Variants in PPARA observed in about 807,000 individuals in gnomAD.
The protein encoded by PPARA is peroxisome proliferator activated receptor alpha.
A neutral mutation model predicts 42.2 loss-of-function variants in PPARA; 22 were observed. The ratio of observed to expected loss-of-function variants is 0.52; its 90% CI spans 0.37 to 0.74. The LOEUF (loss-of-function observed/expected upper bound fraction) is 0.74. PPARA is among the 30% of genes least tolerant of loss of function. PPARA has a pLI of 0.00. For missense variants in PPARA, 465 were observed against 608.2 expected, an observed-to-expected ratio of 0.76 and a Z score of 2.48; for synonymous variants, 242 against 239.3, an observed-to-expected ratio of 1.01 and a Z score of -0.10.
At chr22:46,178,342 C>G (rs970924126) in intron 3 of PPARA, among the ~76,000 whole-genome samples, 1 of 152,170 alleles carries the variant, frequency 6.6e-6, no homozygotes, top group Non-Finnish European at 1.5e-5. Flanking sequence ...ACCTTCTCAT[C>G]TGAGATAACA....
rs1934507271 is a variant in PPARA at position 46,216,504 on chromosome 22, G to A, written c.369+1171G>A. ...GCCTCCCTGAAGGCCAGGTGGGGCA[G>A]GTGTTCTCATGCTCCTGCCAGGGAA... On this transcript the variant is annotated intron_variant, in intron 5 of 8. Transcript: ENST00000407236. This position sits in a 1 kb window ranked among gnomAD's most constrained non-coding sequence, Gnocchi z 4.5. 6.6e-6 allele frequency among the ~76,000 whole-genome samples: 1 copy of A among 152,212 alleles called. No individual in the cohort carries two copies. The highest frequency in any genetic ancestry group is 1.5e-5 in the Non-Finnish European group (1 of 68,040).
intron 2 of PPARA, among the ~76,000 whole-genome samples, chr22:46,157,801 A>G (rs1925547040): frequency 1.3e-5 from 2 of 152,324 alleles, no homozygotes; most frequent in Non-Finnish European, 1.5e-5. Context: ...GAGAAAACTC[A>G]GATGAAATAT....
intron 4 of PPARA, among the ~76,000 whole-genome samples, chr22:46,210,618 A>T (rs908189637): frequency 1.5e-4 from 23 of 151,722 alleles, no homozygotes; most frequent in African/African-American, 5.6e-4. Flanking sequence ...AATTTTTTGT[A>T]TTTTTAGCAG....
chr22:46,242,084 T>TC lies in PPARA; in HGVS notation c.*6705dup, dbSNP rs1936386892. 6.6e-6 allele frequency: 1 copy of TC among 152,154 alleles called. No individual in the cohort carries two copies. The highest frequency in any genetic ancestry group is 1.5e-5 in the Non-Finnish European group (1 of 68,032). 9.4% of individuals were successfully genotyped at this position (152,154 alleles called of 1,614,324 possible). A position where few individuals can be genotyped will look rare whatever the true frequency, so the allele number is the denominator to read the frequency against. On this transcript the variant is annotated 3_prime_UTR_variant, in exon 9 of 9. Coordinates refer to ENST00000407236, the MANE Select transcript of PPARA (RefSeq NM_005036.6). The surrounding 1 kb of genome is among the most constrained non-coding windows in gnomAD (Gnocchi z 6.1). Reference sequence around the variant, plus strand: ...TACCTGCCACCTCTTCTCTTGCCCCTCTTCTGCCCACACATCCAGCATCCA... The same window carrying TC: ...TACCTGCCACCTCTTCTCTTGCCCCTCCTTCTGCCCACACATCCAGCATCCA...
At chr22:46,202,905 A>T (rs979964814) in intron 4 of PPARA, among the ~76,000 whole-genome samples, 1 of 151,912 alleles carries the variant, frequency 6.6e-6, no homozygotes, top group Non-Finnish European at 1.5e-5. Context: ...AGGGCAGGAG[A>T]AAAAGGGTTC....
rs779061292 is a variant in PPARA at position 46,198,487 on chromosome 22, A to C, written c.104A>C (p.Gln35Pro). The change falls in exon 4 of 9, where the codon CAA (glutamine) becomes CCA (proline). Residue 35 changes from glutamine to proline, a missense_variant. Physicochemically the swap from Gln to Pro is moderately conservative, Grantham distance 76. Around this residue, in one of 2 missense-constraint regions of PPARA, gnomAD observed 152 missense variants for 139.1 expected, o/e 1.09. Transcript: ENST00000407236. ...TTCCTGCAAGAAATGGGAAACATCC[A>C]AGAGATTTCGCAATCCATCGGCGAG... ...EEFLQEMGNI[Q>P]EISQSIGEDS... The C allele has an allele frequency of 6.2e-7, 1 of 1,613,944 alleles. No homozygotes were observed. Among genetic ancestry groups the C allele is most frequent in the Non-Finnish European group, 8.5e-7 (1 of 1,179,984 alleles).
In PPARA at chr22:46,237,123, A is replaced by G. The variant is rs1167283084; in HGVS notation, c.*1743A>G. On this transcript the variant is annotated 3_prime_UTR_variant, in exon 9 of 9. Transcript: ENST00000407236. The surrounding 1 kb of genome is among the most constrained non-coding windows in gnomAD (Gnocchi z 6.7). ...TCGATGCCTCTCCCCCATCTTTAGA[A>G]AATTTGGCTCTTCTGAGGTCATTAT... The G allele has an allele frequency of 2.0e-5, 3 of 152,168 alleles. No homozygotes were observed. The highest frequency in any genetic ancestry group is 7.2e-5 in the African/African-American group (3 of 41,446). 9.4% of individuals were successfully genotyped at this position (152,168 alleles called of 1,614,324 possible).
chr22:46,235,117 C>T lies in PPARA; in HGVS notation c.1160-16C>T, dbSNP rs754363535. 2 of 1,613,948 alleles carry T rather than the reference C, an allele frequency of 1.2e-6. No homozygotes were observed. The highest frequency in any genetic ancestry group is 1.1e-5 in the South Asian group (1 of 91,048). ...GATTATCACACTCAAACCTCTCTCT[C>T]TTCTTTCGAGACTAGATCGTCCTGG... On this transcript the variant is annotated splice_polypyrimidine_tract_variant and intron_variant, in intron 8 of 8. Coordinates refer to ENST00000407236, the MANE Select transcript of PPARA (RefSeq NM_005036.6). The surrounding 1 kb of genome is among the most constrained non-coding windows in gnomAD (Gnocchi z 7.0).
At chr22:46,206,916 A>T (rs1187888553) in intron 4 of PPARA, among the ~76,000 whole-genome samples, 2 of 152,062 alleles carry the variant, frequency 1.3e-5, no homozygotes, top group Admixed American at 1.3e-4. Flanking sequence ...TATAACCTTC[A>T]TTCTAGAAAG....
chr22:46,199,888 A>G (rs1189663061), intron 4 of PPARA, among the ~76,000 whole-genome samples: 1 of 151,710 alleles, frequency 6.6e-6, no homozygotes, highest in Non-Finnish European at 1.5e-5. Flanking sequence ...ATGCCGGGCT[A>G]ATTTTTGTAT....
rs1406475469 is a variant in PPARA, at chr22:46,193,932, G to A, written c.-42-4410G>A. 6.6e-6 allele frequency among the ~76,000 whole-genome samples: 1 copy of A among 152,222 alleles called. No individual in the cohort carries two copies. Among genetic ancestry groups the A allele is most frequent in the African/African-American group, 2.4e-5 (1 of 41,450 alleles). On this transcript the variant is annotated intron_variant, in intron 3 of 8. Transcript: ENST00000407236. The surrounding 1 kb of genome is among the most constrained non-coding windows in gnomAD (Gnocchi z 5.3). ...TTTGGGGCATAGGACACGGGAACTG[G>A]CCAGCCTGGTTCACTCTTCTCGATT...
At position 46,243,183 on chromosome 22, in the gene PPARA, C is replaced by T. The variant is rs531399795; in HGVS notation, c.*7803C>T. On this transcript the variant is annotated 3_prime_UTR_variant, in exon 9 of 9. Transcript: ENST00000407236. This position sits in a 1 kb window ranked among gnomAD's most constrained non-coding sequence, Gnocchi z 5.0. ...CTTCTTGGTGCATATTGGTTACACC[C>T]TCTGGGATTCATAATGCCATTAGGC... is the stretch of plus-strand genomic sequence containing the variant. 4.6e-5 allele frequency: 7 copies of T among 152,250 alleles called. No individual in the cohort carries two copies. Among genetic ancestry groups the T allele is most frequent in the Admixed American group, 6.5e-5 (1 of 15,270 alleles). 9.4% of individuals were successfully genotyped at this position (152,250 alleles called of 1,614,324 possible). A position where few individuals can be genotyped will look rare whatever the true frequency, so the allele number is the denominator to read the frequency against.
Position 46,160,283 on chromosome 22 carries a change from A to G in PPARA, c.-127+8313A>G, listed in dbSNP as rs779581847. Among the ~76,000 whole-genome samples the G allele has an allele frequency of 2.6e-5, 4 of 152,148 alleles. No homozygotes were observed. Among genetic ancestry groups the G allele is most frequent in the Non-Finnish European group, 4.4e-5 (3 of 68,022 alleles). ...GTATTTAGCAGGATGCCAATATAAGAAATCTATATTGGTGTTCGTTTGTTT... is the reference window on the plus strand; with the variant it reads ...GTATTTAGCAGGATGCCAATATAAGGAATCTATATTGGTGTTCGTTTGTTT... On this transcript the variant is annotated intron_variant, in intron 2 of 8. Coordinates refer to ENST00000407236, the MANE Select transcript of PPARA (RefSeq NM_005036.6). This position sits in a 1 kb window ranked among gnomAD's most constrained non-coding sequence, Gnocchi z 4.5.
In PPARA at chr22:46,182,230, C is replaced by T. The variant is rs1194334383; in HGVS notation, c.-43+5394C>T. Among the ~76,000 whole-genome samples, 7 of 152,174 alleles carry T rather than the reference C, an allele frequency of 4.6e-5. No individual in the cohort carries two copies. Among genetic ancestry groups the T allele is most frequent in the African/African-American group, 1.7e-4 (7 of 41,442 alleles). ...AGTATTTGGCCAAGAAAAAAGAAAGCATATATTCCATACAGAGTCTAGTCC... is the reference window on the plus strand; with the variant it reads ...AGTATTTGGCCAAGAAAAAAGAAAGTATATATTCCATACAGAGTCTAGTCC... On this transcript the variant is annotated intron_variant, in intron 3 of 8. Coordinates refer to ENST00000407236, the MANE Select transcript of PPARA (RefSeq NM_005036.6). The surrounding 1 kb of genome is among the most constrained non-coding windows in gnomAD (Gnocchi z 5.2).
chr22:46,163,025 A>G lies in PPARA; in HGVS notation c.-127+11055A>G, dbSNP rs1400289496. Reference sequence around the variant, plus strand: ...CTGCCACTACCAACCACTGCATCGCATAACTGGCAGACTCCCAGCTTCAAG... The same window carrying G: ...CTGCCACTACCAACCACTGCATCGCGTAACTGGCAGACTCCCAGCTTCAAG... On this transcript the variant is annotated intron_variant, in intron 2 of 8. Coordinates refer to ENST00000407236, the MANE Select transcript of PPARA (RefSeq NM_005036.6). This position sits in a 1 kb window ranked among gnomAD's most constrained non-coding sequence, Gnocchi z 4.9. Among the ~76,000 whole-genome samples the G allele has an allele frequency of 6.6e-6, 1 of 152,220 alleles. No homozygotes were observed. The highest frequency in any genetic ancestry group is 1.5e-5 in the Non-Finnish European group (1 of 68,040).
intron 7 of PPARA, among the ~76,000 whole-genome samples, chr22:46,223,748 G>T (rs533987189): frequency 6.6e-6 from 1 of 151,590 alleles, no homozygotes; most frequent in Non-Finnish European, 1.5e-5. Context: ...TCAGGAGTTC[G>T]AGACCAGCCT....
rs1935893085 is a variant in PPARA at position 46,231,826 on chromosome 22, T to C, written c.746T>C (p.Met249Thr). ...FVIHDMETLC[M>T]AEKTLVAKLV... The stretch of plus-strand genomic sequence containing the variant: ...ATACATGATATGGAGACACTGTGTA[T>C]GGCTGAGAAGACGCTGGTGGCCAAG... The change falls in exon 8 of 9, where the codon ATG becomes ACG. Residue 249 changes from methionine to threonine, a missense_variant. This residue lies in a region of PPARA where 313 missense variants were observed against 469.1 expected (regional missense o/e 0.67). Coordinates refer to ENST00000407236, the MANE Select transcript of PPARA (RefSeq NM_005036.6). This position sits in a 1 kb window ranked among gnomAD's most constrained non-coding sequence, Gnocchi z 7.7. The C allele has an allele frequency of 2.5e-6, 4 of 1,613,932 alleles. No individual in the cohort carries two copies. The highest frequency in any genetic ancestry group is 2.2e-5 in the South Asian group (2 of 91,074).
chr22:46,213,403 C>CTT (rs61615727), intron 4 of PPARA, among the ~76,000 whole-genome samples: 1,589 of 134,832 alleles, frequency 0.012, 38 homozygotes, highest in African/African-American at 0.04. Flanking sequence ...CATTTTCTTT[C>CTT]TTTTTTTTTT....
Position 46,198,605 on chromosome 22 carries a change from T to C in PPARA, c.208+14T>C, listed in dbSNP as rs1423544918. The C allele has an allele frequency of 6.2e-7, 1 of 1,612,192 alleles. No homozygotes were observed. The highest frequency in any genetic ancestry group is 1.1e-5 in the South Asian group (1 of 91,040). On this transcript the variant is annotated intron_variant, in intron 4 of 8. Coordinates refer to ENST00000407236, the MANE Select transcript of PPARA (RefSeq NM_005036.6). ...CGGTCATCACGGGTAAGTGTGCCGT[T>C]TCCTAGAAAGTTTTATTTAGAAATG...
Sources: gnomAD v4.1 joint callset for allele counts (sites outside exome capture counted in the v4.1 genomes callset) on GRCh38, gnomAD v4.1.1 for gene constraint, gnomAD v4.1.1 regional missense constraint, Gnocchi (gnomAD v3.1) non-coding constraint, MANE v1.5 for transcripts, NCBI Gene and HGNC (gene_info 2026-07-23, HGNC 2026-07-21) for gene names.